Variants in GRM7 observed in about 807,000 individuals in gnomAD.
GRM7 encodes glutamate metabotropic receptor 7, also known as metabotropic glutamate receptor 7.
In GRM7, 35 loss-of-function variants were observed where a neutral mutation model predicts 84.5. The ratio of observed to expected loss-of-function variants is 0.41; its 90% CI spans 0.32 to 0.55. The LOEUF (loss-of-function observed/expected upper bound fraction) is 0.55. Ranked by LOEUF, GRM7 falls within the 20% of genes least tolerant of loss-of-function variation. The pLI, the probability that GRM7 is intolerant of heterozygous loss-of-function variation, is 0.19. For missense variants in GRM7, 1,003 were observed against 1,194.6 expected, an observed-to-expected ratio of 0.84 and a Z score of 2.36; for synonymous variants, 487 against 455.1, an observed-to-expected ratio of 1.07 and a Z score of -0.89.
At position 7,450,762 on chromosome 3, in the gene GRM7, C is replaced by G. The variant is rs1425109448; in HGVS notation, c.1175-1845C>G. ...ATATACACTGAAAAACCCTAGATCCCGTGACAGGCAGTGAGCATAAAGTTG... is the reference window on the plus strand; with the variant it reads ...ATATACACTGAAAAACCCTAGATCCGGTGACAGGCAGTGAGCATAAAGTTG... On this transcript the variant is annotated intron_variant, in intron 5 of 9. Transcript: ENST00000357716. 2.6e-5 allele frequency among the ~76,000 whole-genome samples: 4 copies of G among 151,796 alleles called. No individual in the cohort carries two copies. The South Asian group carries it at 8.3e-4, about 32-fold the overall frequency.
At chr3:7,210,573 AT>A (rs752243094) in intron 2 of GRM7, among the ~76,000 whole-genome samples, 7 of 151,756 alleles carry the variant, frequency 4.6e-5, no homozygotes, top group African/African-American at 1.5e-4. Flanking sequence ...TTTAATGGAA[AT>A]TTTTTTTTGT....
At chr3:7,301,304 T>C (rs1481259913) in intron 3 of GRM7, among the ~76,000 whole-genome samples, 1 of 152,234 alleles carries the variant, frequency 6.6e-6, no homozygotes, top group Non-Finnish European at 1.5e-5. Flanking sequence ...TACAAAATTA[T>C]CTTACAACAT....
intron 7 of GRM7, among the ~76,000 whole-genome samples, chr3:7,506,928 T>C (rs2124972107): frequency 6.6e-6 from 1 of 152,226 alleles, no homozygotes; most frequent in East Asian, 1.9e-4. Flanking sequence ...CACTGTACCA[T>C]ATTTAAAGAA....
At chr3:6,894,458 A>T (rs1696095674) in intron 1 of GRM7, among the ~76,000 whole-genome samples, 1 of 152,142 alleles carries the variant, frequency 6.6e-6, no homozygotes, top group Non-Finnish European at 1.5e-5. Flanking sequence ...TATGTCATCT[A>T]TTGTTTCTAT....
intron 7 of GRM7, among the ~76,000 whole-genome samples, chr3:7,545,853 AAAAG>A (rs1309173399): frequency 2.0e-5 from 3 of 152,198 alleles, no homozygotes; most frequent in Non-Finnish European, 4.4e-5. Context: ...AGGCACAATT[AAAAG>A]AAAGAATAAT....
At chr3:7,735,111 T>C (rs1476405215) in intron 9 of GRM7, among the ~76,000 whole-genome samples, 1 of 152,162 alleles carries the variant, frequency 6.6e-6, no homozygotes, top group Non-Finnish European at 1.5e-5. Flanking sequence ...TCCCTCCCAG[T>C]TGAAATAGTT....
At chr3:7,289,032 G>A (rs1037392455) in intron 2 of GRM7, among the ~76,000 whole-genome samples, 1 of 152,038 alleles carries the variant, frequency 6.6e-6, no homozygotes, top group African/African-American at 2.4e-5. Context: ...AATGAGAACC[G>A]TCACTTGTAA....
chr3:7,545,450 A>C (rs144235376), intron 7 of GRM7, among the ~76,000 whole-genome samples: 116 of 152,296 alleles, frequency 7.6e-4, no homozygotes, highest in Middle Eastern at 6.8e-3. Context: ...CACAGGCACC[A>C]TTTCTGTCTC....
chr3:7,643,768 T>G (rs1040931748), intron 8 of GRM7, among the ~76,000 whole-genome samples: 2 of 152,156 alleles, frequency 1.3e-5, no homozygotes, highest in African/African-American at 4.8e-5. Flanking sequence ...TCACAATTAT[T>G]GTCCCACAGT....
At chr3:7,329,348 T>G (rs1701108738) in intron 4 of GRM7, among the ~76,000 whole-genome samples, 1 of 152,168 alleles carries the variant, frequency 6.6e-6, no homozygotes, top group African/African-American at 2.4e-5. Context: ...ATAAATTGGT[T>G]CACCCTTCCA....
At chr3:6,876,084 A>G (rs1398145850) in intron 1 of GRM7, among the ~76,000 whole-genome samples, 2 of 152,100 alleles carry the variant, frequency 1.3e-5, no homozygotes, top group African/African-American at 4.8e-5. Flanking sequence ...CCTGGCCAAC[A>G]TGGTGAAACC....
At chr3:7,598,145 T>C (rs1438356525) in intron 8 of GRM7, among the ~76,000 whole-genome samples, 2 of 152,204 alleles carry the variant, frequency 1.3e-5, no homozygotes, top group Non-Finnish European at 2.9e-5. Flanking sequence ...TAATCTGACA[T>C]ATTGCAGATA....
At chr3:7,428,288 A>G (rs536097844) in intron 5 of GRM7, among the ~76,000 whole-genome samples, 38 of 151,336 alleles carry the variant, frequency 2.5e-4, no homozygotes, top group African/African-American at 8.7e-4. Context: ...TCCTTGAAAA[A>G]GAGCTTTCAC....
chr3:7,518,105 A>G (rs1322367141), intron 7 of GRM7, among the ~76,000 whole-genome samples: 1 of 152,180 alleles, frequency 6.6e-6, no homozygotes, highest in Non-Finnish European at 1.5e-5. Flanking sequence ...GCTCATAGGC[A>G]TGGCTCCTGG....
At chr3:7,289,997 T>TA (rs533196252) in intron 2 of GRM7, among the ~76,000 whole-genome samples, 184 of 151,994 alleles carry the variant, frequency 1.2e-3, no homozygotes, top group African/African-American at 4.4e-3. Context: ...CCCTAGAACT[T>TA]AAAGTATAAT....
chr3:7,561,801 T>A (rs1694039090), intron 7 of GRM7, among the ~76,000 whole-genome samples: 1 of 152,174 alleles, frequency 6.6e-6, no homozygotes, highest in Non-Finnish European at 1.5e-5. Flanking sequence ...ATTCTGTTGT[T>A]AAATAGTCTA....
At chr3:7,011,853 T>G (rs758648319) in intron 1 of GRM7, among the ~76,000 whole-genome samples, 1 of 152,188 alleles carries the variant, frequency 6.6e-6, no homozygotes, top group African/African-American at 2.4e-5. Context: ...AAGGTATCAT[T>G]TTATATTTGA....
chr3:7,066,877 T>TC (rs1177375384), intron 1 of GRM7, among the ~76,000 whole-genome samples: 1 of 151,842 alleles, frequency 6.6e-6, no homozygotes, highest in East Asian at 1.9e-4. Flanking sequence ...CATACGCAAG[T>TC]CAGTAAATAT....
chr3:7,621,956 G>T (rs1401668167), intron 8 of GRM7, among the ~76,000 whole-genome samples: 1 of 152,090 alleles, frequency 6.6e-6, no homozygotes, highest in Non-Finnish European at 1.5e-5. Context: ...GTGAATCTGG[G>T]CAAATGCTAG....
Sources: allele counts gnomAD v4.1 joint callset (sites outside exome capture counted in the v4.1 genomes callset), GRCh38; gene constraint gnomAD v4.1.1; transcripts MANE v1.5; gene names NCBI Gene and HGNC (gene_info 2026-07-23, HGNC 2026-07-21).